Variants in SOS1 observed in about 807,000 individuals in gnomAD.
SOS1 encodes SOS Ras/Rac guanine nucleotide exchange factor 1, also known as son of sevenless homolog 1.
Under a neutral mutation model 157.6 loss-of-function variants are expected in SOS1, and 25 were observed. That is an observed-to-expected ratio of 0.16 (90% confidence interval 0.12 to 0.22). The LOEUF (loss-of-function observed/expected upper bound fraction) is 0.22. Ranked by LOEUF, SOS1 falls within the 10% of genes least tolerant of loss-of-function variation. The probability of loss-of-function intolerance (pLI) is 1.00; values close to 1 mark genes in which losing one functional copy is unlikely to be tolerated. For synonymous variants in SOS1, 528 were observed against 534.0 expected, an observed-to-expected ratio of 0.99 and a Z score of 0.16; for missense variants, 1,237 against 1,599.1, an observed-to-expected ratio of 0.77 and a Z score of 3.86.
chr2:39,078,430 A>C (rs1672088728), intron 1 of SOS1, among the ~76,000 whole-genome samples: 1 of 152,198 alleles, frequency 6.6e-6, no homozygotes, highest in East Asian at 1.9e-4. Context: ...ATGATCCAGC[A>C]ATTCTACTTC....
chr2:39,031,195 A>G (rs965543968), intron 8 of SOS1, among the ~76,000 whole-genome samples: 2 of 152,346 alleles, frequency 1.3e-5, no homozygotes, highest in African/African-American at 2.4e-5. Context: ...ACACAACAAC[A>G]TAGACTTCAA....
intron 20 of SOS1, among the ~76,000 whole-genome samples, chr2:38,991,941 AATAGT>A (rs1202545436): frequency 2.0e-5 from 3 of 152,224 alleles, no homozygotes; most frequent in Admixed American, 6.5e-5. Context: ...GTAAAAAAAG[AATAGT>A]ATAGTATTAT....
At chr2:38,986,656 A>G (rs1276344710) in intron 22 of SOS1, among the ~76,000 whole-genome samples, 1 of 151,806 alleles carries the variant, frequency 6.6e-6, no homozygotes, top group Non-Finnish European at 1.5e-5. Flanking sequence ...TTGTAGAGTC[A>G]AGGTCTTGCT....
rs1486845025 is a variant in SOS1, at chr2:38,983,007, A to G, written c.*2817T>C. On this transcript the variant is annotated 3_prime_UTR_variant, in exon 23 of 23. Transcript: ENST00000402219. ...AGAGAATAGTAACCTACTAAACATAATTTGATGCCCAACAACCTTTAATTA... is the reference window on the plus strand; with the variant it reads ...AGAGAATAGTAACCTACTAAACATAGTTTGATGCCCAACAACCTTTAATTA... 5.3e-5 allele frequency: 8 copies of G among 152,160 alleles called. No homozygotes were observed. The highest frequency in any genetic ancestry group is 5.2e-4 in the Admixed American group (8 of 15,256). The allele number at this position is 152,160 out of a possible 1,614,324, so 9.4% of individuals were successfully genotyped here. A position where few individuals can be genotyped will look rare whatever the true frequency, so the allele number is the denominator to read the frequency against.
chr2:39,071,684 A>G (rs1671798930), intron 1 of SOS1, among the ~76,000 whole-genome samples: 1 of 152,230 alleles, frequency 6.6e-6, no homozygotes, highest in African/African-American at 2.4e-5. Flanking sequence ...AGTATTCAAG[A>G]AAGTATGATT....
chr2:39,100,301 G>A (rs952351807), intron 1 of SOS1, among the ~76,000 whole-genome samples: 30 of 152,168 alleles, frequency 2.0e-4, no homozygotes, highest in African/African-American at 6.8e-4. Flanking sequence ...ATATGACCTA[G>A]CTGGGTATGT....
At chr2:39,096,189 T>TA (rs1164410538) in intron 1 of SOS1, among the ~76,000 whole-genome samples, 1 of 152,198 alleles carries the variant, frequency 6.6e-6, no homozygotes, top group Non-Finnish European at 1.5e-5. Flanking sequence ...TGGCTAGAGA[T>TA]AAAGTTTTTA....
chr2:39,094,430 G>A (rs56094608), intron 1 of SOS1, among the ~76,000 whole-genome samples: 1 of 152,124 alleles, frequency 6.6e-6, no homozygotes, highest in Non-Finnish European at 1.5e-5. Context: ...GGTGGATCAC[G>A]AGGTCAGGAG....
intron 17 of SOS1, among the ~76,000 whole-genome samples, chr2:39,000,017 AGTGTCTGTG>A (rs1669041039): frequency 6.6e-6 from 1 of 152,088 alleles, no homozygotes; most frequent in South Asian, 2.1e-4. Flanking sequence ...GGGCTGCCCT[AGTGTCTGTG>A]GGGATAATGG....
intron 17 of SOS1, among the ~76,000 whole-genome samples, chr2:39,004,770 C>A (rs1313483671): frequency 2.0e-5 from 3 of 149,000 alleles, no homozygotes; most frequent in Non-Finnish European, 4.5e-5. Context: ...AGAGGAAATA[C>A]AAATATTAAA....
At chr2:38,990,897 T>G (rs371210744) in intron 20 of SOS1, among the ~76,000 whole-genome samples, 1 of 152,166 alleles carries the variant, frequency 6.6e-6, no homozygotes, top group African/African-American at 2.4e-5. Flanking sequence ...TGCTAGAAAT[T>G]CTTGTCAGTT....
intron 1 of SOS1, among the ~76,000 whole-genome samples, chr2:39,092,883 A>G (rs1250639561): frequency 2.0e-5 from 3 of 152,244 alleles, no homozygotes; most frequent in Non-Finnish European, 4.4e-5. Context: ...GAAAAACTTC[A>G]TAATACTTAA....
At chr2:39,008,879 T>C (rs1341294790) in intron 15 of SOS1, among the ~76,000 whole-genome samples, 1 of 147,846 alleles carries the variant, frequency 6.8e-6, no homozygotes, top group Non-Finnish European at 1.5e-5. Context: ...TGCTACACTA[T>C]ATTATCTGAA....
chr2:39,111,986 T>A (rs80181778), intron 1 of SOS1, among the ~76,000 whole-genome samples: 2 of 152,192 alleles, frequency 1.3e-5, no homozygotes, highest in East Asian at 3.9e-4. Flanking sequence ...CTCCTTGGCC[T>A]CTATCTCTGG....
intron 1 of SOS1, among the ~76,000 whole-genome samples, chr2:39,089,501 C>T (rs370135615): frequency 6.8e-6 from 1 of 146,850 alleles, no homozygotes; most frequent in African/African-American, 2.5e-5. Context: ...GGCACTCCAG[C>T]CTAGGCAACA....
At chr2:39,115,142 C>G (rs949708912) in intron 1 of SOS1, among the ~76,000 whole-genome samples, 16 of 152,078 alleles carry the variant, frequency 1.1e-4, no homozygotes, top group African/African-American at 3.9e-4. Context: ...AACTGACATA[C>G]AATAAACTGC....
intron 1 of SOS1, among the ~76,000 whole-genome samples, chr2:39,100,765 GA>G (rs1307422326): frequency 6.6e-6 from 1 of 152,000 alleles, no homozygotes; most frequent in Non-Finnish European, 1.5e-5. Flanking sequence ...AAAATTTAAA[GA>G]AAAATAGCTG....
At chr2:39,097,452 C>G (rs1052543260) in intron 1 of SOS1, among the ~76,000 whole-genome samples, 1 of 152,202 alleles carries the variant, frequency 6.6e-6, no homozygotes, top group East Asian at 1.9e-4. Flanking sequence ...TTCAGAAACT[C>G]TGGGAATGCA....
chr2:39,068,634 C>T (rs1030389285), intron 1 of SOS1, among the ~76,000 whole-genome samples: 1 of 152,034 alleles, frequency 6.6e-6, no homozygotes, highest in African/African-American at 2.4e-5. Flanking sequence ...ACTGTCTATA[C>T]TTCAGGAATA....
Sources: allele counts gnomAD v4.1 joint callset (sites outside exome capture counted in the v4.1 genomes callset), GRCh38; gene constraint gnomAD v4.1.1; transcripts MANE v1.5; gene names NCBI Gene and HGNC (gene_info 2026-07-23, HGNC 2026-07-21).